SLIT3: variants seen among roughly 807,000 people sequenced by gnomAD.
SLIT3 encodes slit guidance ligand 3.
A neutral mutation model predicts 184.0 loss-of-function variants in SLIT3; 68 were observed. The ratio of observed to expected loss-of-function variants is 0.37; its 90% CI spans 0.30 to 0.45. The LOEUF (loss-of-function observed/expected upper bound fraction) is 0.45. Ranked by LOEUF, SLIT3 falls within the 20% of genes least tolerant of loss-of-function variation. The pLI, the probability that SLIT3 is intolerant of heterozygous loss-of-function variation, is 1.00. For synonymous variants in SLIT3, 831 were observed against 828.6 expected (o/e 1.00, Z -0.05); for missense variants, 1,707 against 2,026.0 (o/e 0.84, Z 3.02).
chr5:168,837,262 T>C (rs528680958), intron 6 of SLIT3, among the ~76,000 whole-genome samples: 1 of 152,320 alleles, frequency 6.6e-6, no homozygotes, highest in East Asian at 1.9e-4. Context: ...AAGACTTTCA[T>C]TAAGCCATGA....
intron 3 of SLIT3, among the ~76,000 whole-genome samples, chr5:169,236,990 C>T (rs191109389): frequency 6.6e-6 from 1 of 152,280 alleles, no homozygotes; most frequent in Admixed American, 6.5e-5. Context: ...TCCTCACCAT[C>T]CACCATCTAT....
intron 9 of SLIT3, among the ~76,000 whole-genome samples, chr5:168,806,099 G>A (rs1756947086): frequency 6.6e-6 from 1 of 152,192 alleles, no homozygotes; most frequent in African/African-American, 2.4e-5. Flanking sequence ...AGGCCTTGTG[G>A]GCCATGCAGT....
chr5:169,006,202 G>C (rs1420002953), intron 4 of SLIT3, among the ~76,000 whole-genome samples: 1 of 152,202 alleles, frequency 6.6e-6, no homozygotes, highest in Non-Finnish European at 1.5e-5. Context: ...CTACCAACCA[G>C]CCTGGCCATC....
At chr5:169,053,258 T>A (rs1428411208) in intron 4 of SLIT3, among the ~76,000 whole-genome samples, 1 of 152,264 alleles carries the variant, frequency 6.6e-6, no homozygotes, top group Non-Finnish European at 1.5e-5. Context: ...AGGTTTCCTT[T>A]CCTTTCTTCC....
intron 4 of SLIT3, among the ~76,000 whole-genome samples, chr5:168,963,103 C>T (rs113472117): frequency 1.0e-3 from 152 of 152,356 alleles, no homozygotes; most frequent in African/African-American, 3.5e-3. Flanking sequence ...CTATGGCCTA[C>T]GGGGCCAATC....
At chr5:169,055,668 A>G (rs1581358326) in intron 4 of SLIT3, among the ~76,000 whole-genome samples, 1 of 152,200 alleles carries the variant, frequency 6.6e-6, no homozygotes, top group Non-Finnish European at 1.5e-5. Context: ...GTGAAACCCC[A>G]TCTCTACTAA....
chr5:168,836,771 A>C (rs532766873), intron 6 of SLIT3, among the ~76,000 whole-genome samples: 1 of 152,196 alleles, frequency 6.6e-6, no homozygotes, highest in Non-Finnish European at 1.5e-5. Flanking sequence ...TCCTTTGCTG[A>C]TCAAAAACAA....
chr5:168,907,991 G>GAA (rs1761133667), intron 4 of SLIT3, among the ~76,000 whole-genome samples: 3 of 141,268 alleles, frequency 2.1e-5, no homozygotes, highest in Non-Finnish European at 3.1e-5. Flanking sequence ...GAGAGAGAGA[G>GAA]AGAGAGAGAG....
chr5:169,233,991 A>G (rs1186717105), intron 3 of SLIT3, among the ~76,000 whole-genome samples: 1 of 152,210 alleles, frequency 6.6e-6, no homozygotes, highest in East Asian at 1.9e-4. Flanking sequence ...TTTTATTCTT[A>G]ATATGTAAAA....
intron 1 of SLIT3, among the ~76,000 whole-genome samples, chr5:169,273,630 G>A (rs535793102): frequency 1.3e-5 from 2 of 152,296 alleles, no homozygotes; most frequent in South Asian, 4.1e-4. Flanking sequence ...TGTGCAGCTA[G>A]GGTTGAGAAT....
In SLIT3 at chr5:169,300,528, C is replaced by A; in HGVS notation, c.182G>T (p.Arg61Leu). The change falls in exon 1 of 36, where the codon CGC (arginine) becomes CTC (leucine). Residue 61 changes from arginine to leucine, a missense_variant. Physicochemically the swap from Arg to Leu is moderately radical, Grantham distance 102 (BLOSUM62 -2). This residue lies in a region of SLIT3 where 1,307 missense variants were observed against 1,511.6 expected (regional missense o/e 0.86). Transcript: ENST00000519560. The surrounding 1 kb of genome is among the most constrained non-coding windows in gnomAD (Gnocchi z 4.1). Reference sequence around the variant, plus strand: ...GGGTACTCACAGGCGCTCAGCGTTGCGGGGGATGCCCCGAGGAACCGCGCG... The same window carrying A: ...GGGTACTCACAGGCGCTCAGCGTTGAGGGGGATGCCCCGAGGAACCGCGCG... ...GLRAVPRGIP[R>L]NAERLDLDRN... 1 of 1,505,952 alleles carries A rather than the reference C, an allele frequency of 6.6e-7. No homozygotes were observed. The highest frequency in any genetic ancestry group is 2.1e-5 in the Admixed American group (1 of 47,368). The allele number at this position is 1,505,952 out of a possible 1,614,324, so 93.3% of individuals were successfully genotyped here.
chr5:168,785,686 C>T (rs1319339186), intron 12 of SLIT3, among the ~76,000 whole-genome samples: 1 of 152,250 alleles, frequency 6.6e-6, no homozygotes, highest in African/African-American at 2.4e-5. Flanking sequence ...TCGGCTGTAT[C>T]ATTTGGGTTT....
intron 3 of SLIT3, among the ~76,000 whole-genome samples, chr5:169,208,767 C>T (rs1359929948): frequency 1.3e-5 from 2 of 152,086 alleles, no homozygotes; most frequent in African/African-American, 2.4e-5. Flanking sequence ...TTCCTTATAC[C>T]TTAGACAAAA....
intron 2 of SLIT3, among the ~76,000 whole-genome samples, chr5:169,250,403 C>T (rs139998814): frequency 2.6e-5 from 4 of 152,294 alleles, no homozygotes; most frequent in Non-Finnish European, 5.9e-5. Context: ...GAAAATACTT[C>T]TAACAACGTA....
At chr5:168,927,442 T>C (rs1761866135) in intron 4 of SLIT3, among the ~76,000 whole-genome samples, 1 of 152,196 alleles carries the variant, frequency 6.6e-6, no homozygotes, top group Non-Finnish European at 1.5e-5. Flanking sequence ...AGATTGGTGG[T>C]ACGACAATGT....
chr5:168,963,936 C>G (rs1763099679), intron 4 of SLIT3, among the ~76,000 whole-genome samples: 1 of 152,154 alleles, frequency 6.6e-6, no homozygotes, highest in Admixed American at 6.5e-5. Context: ...GGGAACCCCT[C>G]CAACTGGATT....
At chr5:168,943,681 TTATATGAGTGAACACACACTCTCTC>T in intron 4 of SLIT3, among the ~76,000 whole-genome samples, 1 of 152,290 alleles carries the variant, frequency 6.6e-6, no homozygotes, top group African/African-American at 2.4e-5. Flanking sequence ...GTGCAAGGTA[TTATATGAGTGAACACACACTCTCTC>T]TATATGTGCA....
chr5:168,786,989 G>A (rs1756178080), intron 11 of SLIT3, among the ~76,000 whole-genome samples: 2 of 152,220 alleles, frequency 1.3e-5, no homozygotes, highest in African/African-American at 4.8e-5. Context: ...AATCCAGGCT[G>A]TAATCCTTCT....
At chr5:168,919,644 TAA>T (rs967568718) in intron 4 of SLIT3, among the ~76,000 whole-genome samples, 10 of 151,464 alleles carry the variant, frequency 6.6e-5, no homozygotes, top group African/African-American at 2.2e-4. Flanking sequence ...GTAATTTTTT[TAA>T]AAAAAAAACA....
Sources: gnomAD v4.1 joint callset for allele counts (sites outside exome capture counted in the v4.1 genomes callset) on GRCh38, gnomAD v4.1.1 for gene constraint, gnomAD v4.1.1 regional missense constraint, Gnocchi (gnomAD v3.1) non-coding constraint, MANE v1.5 for transcripts, NCBI Gene and HGNC (gene_info 2026-07-23, HGNC 2026-07-21) for gene names.